Variants in PIK3C2B observed in about 807,000 individuals in gnomAD.
PIK3C2B encodes the protein phosphatidylinositol-4-phosphate 3-kinase catalytic subunit type 2 beta, also known as phosphatidylinositol 4-phosphate 3-kinase C2 domain-containing subunit beta.
A neutral mutation model predicts 184.3 loss-of-function variants in PIK3C2B; 83 were observed. That is an observed-to-expected ratio of 0.45 (90% CI 0.38 to 0.54). PIK3C2B has a LOEUF of 0.54. PIK3C2B is among the 20% of genes least tolerant of loss of function. The pLI is 0.00. For missense variants in PIK3C2B, 1,736 were observed against 2,113.5 expected (o/e 0.82, Z 3.50); for synonymous variants, 779 against 837.6 (o/e 0.93, Z 1.21).
chr1:204,466,849 G>A (rs779935565), intron 2 of PIK3C2B: 9 of 533,104 alleles, frequency 1.7e-5, no homozygotes, highest in South Asian at 1.1e-4. Flanking sequence ...TGGCAGCAGG[G>A]GTATCAGGCT....
intron 21 of PIK3C2B, 135 bp from the exon 22 acceptor site, chr1:204,440,456 T>A: frequency 1.2e-6 from 1 of 850,496 alleles, no homozygotes; most frequent in Non-Finnish European, 1.7e-6. Context: ...ACCTGCTCAC[T>A]CAGCTCACAC....
chr1:204,460,189 G>T, intron 7 of PIK3C2B, 135 bp downstream of exon 7: 1 of 735,478 alleles, frequency 1.4e-6, no homozygotes, highest in South Asian at 1.7e-5. Context: ...GATCTTCTCT[G>T]ATAAGATGTG....
intron 23 of PIK3C2B, 75 bp from the exon 24 acceptor site, chr1:204,434,683 C>G: frequency 8.1e-7 from 1 of 1,235,682 alleles, no homozygotes; most frequent in Non-Finnish European, 1.1e-6. Flanking sequence ...CACAGCCAGA[C>G]AGAACTCAGC....
At chr1:204,460,480 AT>A in intron 6 of PIK3C2B, 69 bp downstream of exon 6, 1 of 1,538,536 alleles carries the variant, frequency 6.5e-7, no homozygotes, top group Non-Finnish European at 9.0e-7. Context: ...CTCCCACCTG[AT>A]GTGTTCTATA....
In PIK3C2B at chr1:204,424,919, T is replaced by C; in HGVS notation, c.4838A>G (p.Glu1613Gly). 1.2e-6 allele frequency: 2 copies of C among 1,614,220 alleles called. No homozygotes were observed. Among genetic ancestry groups the C allele is most frequent in the Non-Finnish European group, 1.7e-6 (2 of 1,180,034 alleles). ...LLGEVNIRLR[E>G]LDLAQEKTGW... ...GGTCTTCTCCTGAGCCAGGTCCAGC[T>C]CTCGCAGGCGGATGTTCACCTCACC... Residue 1613 changes from glutamate to glycine, a missense_variant, in exon 33 of 33, where the codon GAG becomes GGG. Physicochemically the swap from Glu to Gly is moderately conservative, Grantham distance 98 (BLOSUM62 -2). Around this residue, in one of 8 missense-constraint regions of PIK3C2B, gnomAD observed 95 missense variants for 164.2 expected, o/e 0.58. Transcript: ENST00000684373.
chr1:204,441,366 T>C (rs2103480512), intron 21 of PIK3C2B, 105 bp downstream of exon 21: 1 of 681,600 alleles, frequency 1.5e-6, no homozygotes. Context: ...TAAGACAGCA[T>C]GGAACAGTGG....
intron 1 of PIK3C2B, among the ~76,000 whole-genome samples, chr1:204,472,724 G>C (rs1656395443): frequency 6.6e-6 from 1 of 152,126 alleles, no homozygotes; most frequent in Admixed American, 6.5e-5. Context: ...AGGTTGCAGT[G>C]AGCTGAGAGT....
chr1:204,434,178 T>C (rs979845270), intron 24 of PIK3C2B, among the ~76,000 whole-genome samples: 2 of 152,242 alleles, frequency 1.3e-5, no homozygotes, highest in African/African-American at 4.8e-5. Context: ...GATATCTGAT[T>C]GCATTCCTTT....
chr1:204,469,261 G>C lies in PIK3C2B; in HGVS notation c.542C>G (p.Ser181Cys), dbSNP rs1558271788. ...LPPRKGSPSSSKISQPSDINT... is the reference protein window; with the variant it reads ...LPPRKGSPSSCKISQPSDINT... ...GATGTCACTGGGCTGGGAGATCTTG[G>C]AGGATGAGGGGGACCCCTTTCTGGG... is the stretch of plus-strand genomic sequence containing the variant. Residue 181 changes from serine to cysteine, a missense_variant, in exon 2 of 33, where the codon TCC becomes TGC. This residue lies in a region of PIK3C2B where 404 missense variants were observed against 418.0 expected (regional missense o/e 0.97). Coordinates refer to ENST00000684373, the MANE Select transcript of PIK3C2B (RefSeq NM_001377334.1). The C allele has an allele frequency of 6.4e-7, 1 of 1,564,626 alleles. No individual in the cohort carries two copies. Among genetic ancestry groups the C allele is most frequent in the Non-Finnish European group, 8.7e-7 (1 of 1,154,190 alleles).
At chr1:204,440,649 T>G (rs1379084601) in intron 21 of PIK3C2B, among the ~76,000 whole-genome samples, 1 of 136,484 alleles carries the variant, frequency 7.3e-6, no homozygotes, top group Non-Finnish European at 1.5e-5. Context: ...CAGGCTGGAG[T>G]GCAGTGGCAC....
intron 1 of PIK3C2B, among the ~76,000 whole-genome samples, chr1:204,480,397 C>G (rs1657028689): frequency 6.6e-6 from 1 of 152,162 alleles, no homozygotes. Flanking sequence ...TGTACTGTCT[C>G]TCCTACTGGA....
chr1:204,464,327 C>G, intron 4 of PIK3C2B, 123 bp downstream of exon 4: 3 of 1,166,098 alleles, frequency 2.6e-6, no homozygotes, highest in Admixed American at 2.2e-5. Flanking sequence ...CCCTCACCCC[C>G]AAAGGAGCAT....
At chr1:204,488,051 T>A (rs1273785327) in intron 1 of PIK3C2B, among the ~76,000 whole-genome samples, 1 of 152,182 alleles carries the variant, frequency 6.6e-6, no homozygotes, top group Non-Finnish European at 1.5e-5. Flanking sequence ...TACAACAAAT[T>A]TTGTCTGGTA....
At chr1:204,431,558 T>TAA in intron 28 of PIK3C2B, 111 bp downstream of exon 28, 1 of 1,322,194 alleles carries the variant, frequency 7.6e-7, no homozygotes, top group Non-Finnish European at 1.1e-6. Context: ...AGCAGGCAGA[T>TAA]GTTTAGTCCA....
intron 1 of PIK3C2B, among the ~76,000 whole-genome samples, chr1:204,483,402 A>G (rs940349403): frequency 7.2e-6 from 1 of 137,962 alleles, no homozygotes; most frequent in Non-Finnish European, 1.6e-5. Flanking sequence ...AAAAAAAAAA[A>G]AACGATCTTC....
rs748272390 is a variant in PIK3C2B, at chr1:204,469,310, T to C, written c.493A>G (p.Ile165Val). 1 of 1,534,276 alleles carries C rather than the reference T, an allele frequency of 6.5e-7. No homozygotes were observed. Among genetic ancestry groups the C allele is most frequent in the South Asian group, 1.3e-5 (1 of 77,064 alleles). The change falls in exon 2 of 33, where the codon ATC (isoleucine) becomes GTC (valine). Residue 165 changes from isoleucine to valine, a missense_variant. By Grantham distance (29) the Ile-to-Val change is conservative. Coordinates refer to ENST00000684373, the MANE Select transcript of PIK3C2B (RefSeq NM_001377334.1). ...GGAGGCAGGGGAGGGGTATCCCAGA[T>C]AGAAGCTCGGGGAGGCAGAGGAGGT... ...SPPPLPPRAS[I>V]WDTPPLPPRK...
intron 1 of PIK3C2B, among the ~76,000 whole-genome samples, chr1:204,474,190 C>G (rs897177049): frequency 5.3e-5 from 8 of 152,194 alleles, no homozygotes; most frequent in African/African-American, 1.9e-4. Context: ...AGAGTTTCAT[C>G]ATGTTGGTCA....
Position 204,480,077 on chromosome 1 carries a change from G to A in PIK3C2B, c.-84-10191C>T, listed in dbSNP as rs954530941. ...AGGAGCAAGGAGGCAGTGTGGAGGCGTACTTCAAACGAGGGCCCAGCCCCA... is the reference window on the plus strand; with the variant it reads ...AGGAGCAAGGAGGCAGTGTGGAGGCATACTTCAAACGAGGGCCCAGCCCCA... On this transcript the variant is annotated intron_variant, in intron 1 of 32. Transcript: ENST00000684373. 5.3e-5 allele frequency among the ~76,000 whole-genome samples: 8 copies of A among 152,238 alleles called. No homozygotes were observed. The East Asian group carries it at 7.7e-4, about 15-fold the overall frequency.
chr1:204,445,293 C>T (rs2103484354), intron 16 of PIK3C2B, among the ~76,000 whole-genome samples: 1 of 151,400 alleles, frequency 6.6e-6, no homozygotes, highest in South Asian at 2.1e-4. Context: ...CTGTAATTTA[C>T]TTCAAAATGT....
Sources: gnomAD v4.1 joint callset for allele counts (sites outside exome capture counted in the v4.1 genomes callset) on GRCh38, gnomAD v4.1.1 for gene constraint, gnomAD v4.1.1 regional missense constraint, MANE v1.5 for transcripts, NCBI Gene and HGNC (gene_info 2026-07-23, HGNC 2026-07-21) for gene names.